SPATA2: variants seen among roughly 807,000 people sequenced by gnomAD.
SPATA2 encodes the protein spermatogenesis associated 2.
In SPATA2, 8 loss-of-function variants were observed where a neutral mutation model predicts 35.4. That is an observed-to-expected ratio of 0.23 (90% CI 0.13 to 0.41). The LOEUF (loss-of-function observed/expected upper bound fraction) is 0.41. Among genes scored for constraint, SPATA2 ranks in the 10% least tolerant of loss-of-function variants. The probability of loss-of-function intolerance (pLI) is 1.00; values close to 1 mark genes in which losing one functional copy is unlikely to be tolerated. For synonymous variants in SPATA2, 293 were observed against 300.9 expected, an observed-to-expected ratio of 0.97 and a Z score of 0.27; for missense variants, 650 against 698.7, an observed-to-expected ratio of 0.93 and a Z score of 0.79.
Position 49,908,461 on chromosome 20 carries a change from T to G in SPATA2, c.30A>C (p.Lys10Asn). MGKPSSMDT[K>N]FKDDLFRKYV... is the part of the protein sequence containing the mutation. ...ACTTCCGAAATAAGTCATCCTTGAA[T>G]TTAGTATCCATTGAACTGGGCTTCC... is the stretch of plus-strand genomic sequence containing the variant. The change falls in exon 2 of 3, where the codon AAA becomes AAC. Residue 10 changes from lysine to asparagine, a missense_variant. By Grantham distance (94) the Lys-to-Asn change is moderately conservative. Coordinates refer to ENST00000289431, the MANE Select transcript of SPATA2 (RefSeq NM_006038.4). 1.2e-6 allele frequency: 2 copies of G among 1,604,072 alleles called. No homozygotes were observed. The highest frequency in any genetic ancestry group is 1.7e-6 in the Non-Finnish European group (2 of 1,171,796).
At chr20:49,911,154 C>T (rs1047950601) in intron 1 of SPATA2, among the ~76,000 whole-genome samples, 1 of 152,224 alleles carries the variant, frequency 6.6e-6, no homozygotes, top group African/African-American at 2.4e-5. Flanking sequence ...CACCCTATCT[C>T]ACCTTCCCAG....
At chr20:49,911,356 G>A (rs1339943618) in intron 1 of SPATA2, among the ~76,000 whole-genome samples, 1 of 151,974 alleles carries the variant, frequency 6.6e-6, no homozygotes, top group Admixed American at 6.6e-5. Flanking sequence ...GCCTGTGCTT[G>A]ATAAAGTAGG....
chr20:49,911,509 A>T (rs942258010), intron 1 of SPATA2, among the ~76,000 whole-genome samples: 33 of 151,264 alleles, frequency 2.2e-4, no homozygotes, highest in African/African-American at 5.1e-4. Context: ...ACCAAAATTT[A>T]AAAAAAAATT....
At chr20:49,910,557 C>CCA (rs2090177168) in intron 1 of SPATA2, among the ~76,000 whole-genome samples, 1 of 152,124 alleles carries the variant, frequency 6.6e-6, no homozygotes, top group African/African-American at 2.4e-5. Flanking sequence ...AGTAAGGTGA[C>CCA]CTGTGTGCTT....
chr20:49,907,156 G>A (rs1300860982), intron 2 of SPATA2, among the ~76,000 whole-genome samples: 3 of 152,174 alleles, frequency 2.0e-5, no homozygotes, highest in East Asian at 1.9e-4. Context: ...CGCCTCCTGG[G>A]TTCAAGCGAT....
In SPATA2 at chr20:49,906,497, C is replaced by A; in HGVS notation, c.685G>T (p.Ala229Ser). The stretch of plus-strand genomic sequence containing the variant: ...CGCTCGCTGGCCGACTTCTGGAGTG[C>A]CACTCGTGACATGGAGGCCGTCAGG... Reference protein sequence around the residue: ...EHLTASMSRVALQKSASERAA... With the variant: ...EHLTASMSRVSLQKSASERAA... Residue 229 changes from alanine (A) to serine (S), a missense_variant, in exon 3 of 3, where the codon GCA becomes TCA. By Grantham distance (99) the Ala-to-Ser change is moderately conservative (BLOSUM62 1). Coordinates refer to ENST00000289431, the MANE Select transcript of SPATA2 (RefSeq NM_006038.4). The surrounding 1 kb of genome is among the most constrained non-coding windows in gnomAD (Gnocchi z 8.2). The A allele has an allele frequency of 6.2e-7, 1 of 1,611,566 alleles. No individual in the cohort carries two copies. The highest frequency in any genetic ancestry group is 8.5e-7 in the Non-Finnish European group (1 of 1,179,876).
In SPATA2 at chr20:49,905,855, G is replaced by A. The variant is rs2072985; in HGVS notation, c.1327C>T (p.Leu443Phe). 27,993 of 1,613,870 alleles carry A rather than the reference G, an allele frequency of 0.017. 3,608 individuals carry two copies. In the East Asian group the frequency reaches 0.38, roughly 22 times the overall value. The change falls in exon 3 of 3, where the codon CTC (leucine) becomes TTC (phenylalanine). Residue 443 changes from leucine to phenylalanine, a missense_variant. By Grantham distance (22) the Leu-to-Phe change is conservative (BLOSUM62 0). Coordinates refer to ENST00000289431, the MANE Select transcript of SPATA2 (RefSeq NM_006038.4). ...TTGGATTTGGAGTGAAGGTGCGGGA[G>A]GCGGTCGAGGCCCTGAGTCTGGCCT... ...YPGQTQGLDRLPHLHSKSKPS... is the reference protein window; with the variant it reads ...YPGQTQGLDRFPHLHSKSKPS...
rs6125806 is a variant in SPATA2 at position 49,903,924 on chromosome 20, T to G, written c.*1695A>C. Reference sequence around the variant, plus strand: ...ATAGATATATATATATATATATATATATATATATATATATATATATATATA... The same window carrying G: ...ATAGATATATATATATATATATATAGATATATATATATATATATATATATA... On this transcript the variant is annotated 3_prime_UTR_variant, in exon 3 of 3. Coordinates refer to ENST00000289431, the MANE Select transcript of SPATA2 (RefSeq NM_006038.4). The G allele has an allele frequency of 8.8e-4, 57 of 64,948 alleles. No homozygotes were observed. Among genetic ancestry groups the G allele is most frequent in the South Asian group, 4.7e-3 (7 of 1,500 alleles). 4.0% of individuals were successfully genotyped at this position (64,948 alleles called of 1,614,324 possible). A position where few individuals can be genotyped will look rare whatever the true frequency, so the allele number is the denominator to read the frequency against.
chr20:49,903,902 G>GATATAGATAT lies in SPATA2; in HGVS notation c.*1716_*1717insATATCTATAT, dbSNP rs2090122476. The GATATAGATAT allele has an allele frequency of 2.1e-5, 2 of 96,936 alleles. No homozygotes were observed. Among genetic ancestry groups the GATATAGATAT allele is most frequent in the South Asian group, 3.0e-4 (1 of 3,374 alleles). 6.0% of individuals were successfully genotyped at this position (96,936 alleles called of 1,614,324 possible). A position where few individuals can be genotyped will look rare whatever the true frequency, so the allele number is the denominator to read the frequency against. ...ACATCTACATGTGATCTACCAGATA[G>GATATAGATAT]ATATATATATATATATATATATATA... is the stretch of plus-strand genomic sequence containing the variant. On this transcript the variant is annotated 3_prime_UTR_variant, in exon 3 of 3. Transcript: ENST00000289431.
rs747152234 is a variant in SPATA2, at chr20:49,908,445, A to G, written c.46T>C (p.Phe16Leu). 2 of 1,606,312 alleles carry G rather than the reference A, an allele frequency of 1.2e-6. No individual in the cohort carries two copies. Among genetic ancestry groups the G allele is most frequent in the Non-Finnish European group, 8.5e-7 (1 of 1,173,400 alleles). ...SMDTKFKDDL[F>L]RKYVQFHESK... Reference sequence around the variant, plus strand: ...TCATGGAACTGCACGTACTTCCGAAATAAGTCATCCTTGAATTTAGTATCC... The same window carrying G: ...TCATGGAACTGCACGTACTTCCGAAGTAAGTCATCCTTGAATTTAGTATCC... The change falls in exon 2 of 3, where the codon TTT becomes CTT. Residue 16 changes from phenylalanine to leucine, a missense_variant. By Grantham distance (22) the Phe-to-Leu change is conservative (BLOSUM62 0). Coordinates refer to ENST00000289431, the MANE Select transcript of SPATA2 (RefSeq NM_006038.4).
chr20:49,905,877 G>T lies in SPATA2; in HGVS notation c.1305C>A (p.Gly435=), dbSNP rs1322190407. ...GGAGGCGGTCGAGGCCCTGAGTCTG[G>T]CCTGGGTACTTCTCCCGCAGAGATG... The part of the protein sequence containing the change: ...HGASLREKYP[G]QTQGLDRLPH... The change falls in exon 3 of 3, where the codon GGC becomes GGA. Residue 435 remains glycine (G), a synonymous_variant. Coordinates refer to ENST00000289431, the MANE Select transcript of SPATA2 (RefSeq NM_006038.4). The T allele has an allele frequency of 6.2e-7, 1 of 1,613,230 alleles. No individual in the cohort carries two copies. Among genetic ancestry groups the T allele is most frequent in the East Asian group, 2.2e-5 (1 of 44,890 alleles).
At chr20:49,912,463 T>C (rs1345023757) in intron 1 of SPATA2, among the ~76,000 whole-genome samples, 2 of 152,166 alleles carry the variant, frequency 1.3e-5, no homozygotes, top group East Asian at 1.9e-4. Context: ...AATAAATGTA[T>C]TGCACCACTG....
In SPATA2 at chr20:49,904,106, A is replaced by C. The variant is rs2090126053; in HGVS notation, c.*1513T>G. 2.0e-5 allele frequency: 3 copies of C among 152,320 alleles called. No homozygotes were observed. The highest frequency in any genetic ancestry group is 4.8e-5 in the African/African-American group (2 of 41,322). The allele number at this position is 152,320 out of a possible 1,614,324, so 9.4% of individuals were successfully genotyped here. A position where few individuals can be genotyped will look rare whatever the true frequency, so the allele number is the denominator to read the frequency against. On this transcript the variant is annotated 3_prime_UTR_variant, in exon 3 of 3. Transcript: ENST00000289431. ...CTCCCAGAAAAGCCCACTGCATATA[A>C]ATCCCTTAACATTGTGTACATCACA...
Position 49,905,430 on chromosome 20 carries a change from C to T in SPATA2, c.*189G>A. On this transcript the variant is annotated 3_prime_UTR_variant, in exon 3 of 3. Transcript: ENST00000289431. ...CCTTCTCCCTTGTCAGACAACAAAGCAGCCATTGGTTGAGATATCTGAGTC... is the reference window on the plus strand; with the variant it reads ...CCTTCTCCCTTGTCAGACAACAAAGTAGCCATTGGTTGAGATATCTGAGTC... The T allele has an allele frequency of 1.7e-6, 1 of 604,982 alleles. No homozygotes were observed. The highest frequency in any genetic ancestry group is 2.9e-6 in the Non-Finnish European group (1 of 343,250). The allele number at this position is 604,982 out of a possible 1,614,324, so 37.5% of individuals were successfully genotyped here.
chr20:49,912,336 C>T (rs911582246), intron 1 of SPATA2, among the ~76,000 whole-genome samples: 6 of 152,148 alleles, frequency 3.9e-5, no homozygotes, highest in Admixed American at 3.9e-4. Context: ...ATCCCAGCTA[C>T]TCAGGAGGCT....
rs1174673213 is a variant in SPATA2, at chr20:49,903,660, AG to A, written c.*1958del. On this transcript the variant is annotated 3_prime_UTR_variant, in exon 3 of 3. Transcript: ENST00000289431. ...GTTAGTCATTCCTGCTTTTGTCCAT[AG>A]GGTAAGTTACGTGGCATCACGGTTG... 3.3e-5 allele frequency: 5 copies of A among 151,896 alleles called. No individual in the cohort carries two copies. The highest frequency in any genetic ancestry group is 5.9e-5 in the Non-Finnish European group (4 of 67,976). 9.4% of individuals were successfully genotyped at this position (151,896 alleles called of 1,614,324 possible).
At position 49,906,198 on chromosome 20, in the gene SPATA2, G is replaced by A; in HGVS notation, c.984C>T (p.Tyr328=). 1 of 1,580,906 alleles carries A rather than the reference G, an allele frequency of 6.3e-7. No individual in the cohort carries two copies. The highest frequency in any genetic ancestry group is 8.6e-7 in the Non-Finnish European group (1 of 1,160,474). Residue 328 remains tyrosine (Y), a synonymous_variant, in exon 3 of 3, where the codon TAC becomes TAT. Transcript: ENST00000289431. This position sits in a 1 kb window ranked among gnomAD's most constrained non-coding sequence, Gnocchi z 8.2. ...GATCCACGTCATCCTGAGTGGAGAA[G>A]TAGGTACCGCGCAGCAGGGCCGGGC... ...SNGPALLRGT[Y]FSTQDDVDLY...
rs541511771 is a variant in SPATA2, at chr20:49,908,441, C to A, written c.50G>T (p.Arg17Leu). 3 of 1,606,472 alleles carry A rather than the reference C, an allele frequency of 1.9e-6. No individual in the cohort carries two copies. The East Asian group carries it at 6.7e-5, about 36-fold the overall frequency. Residue 17 changes from arginine to leucine, a missense_variant, in exon 2 of 3, where the codon CGG becomes CTG. By Grantham distance (102) the Arg-to-Leu change is moderately radical (BLOSUM62 -2). Transcript: ENST00000289431. ...MDTKFKDDLF[R>L]KYVQFHESKV... is the part of the protein sequence containing the mutation. ...GCTCTCATGGAACTGCACGTACTTCCGAAATAAGTCATCCTTGAATTTAGT... is the reference window on the plus strand; with the variant it reads ...GCTCTCATGGAACTGCACGTACTTCAGAAATAAGTCATCCTTGAATTTAGT...
At chr20:49,914,415 C>T (rs2090197892) in intron 1 of SPATA2, among the ~76,000 whole-genome samples, 1 of 152,096 alleles carries the variant, frequency 6.6e-6, no homozygotes, top group Non-Finnish European at 1.5e-5. Context: ...CTGTGCACTG[C>T]CCCTGTCCAC....
Sources: gnomAD v4.1 joint callset for allele counts (sites outside exome capture counted in the v4.1 genomes callset) on GRCh38, gnomAD v4.1.1 for gene constraint, Gnocchi (gnomAD v3.1) non-coding constraint, MANE v1.5 for transcripts, NCBI Gene and HGNC (gene_info 2026-07-23, HGNC 2026-07-21) for gene names.